The following ALDH1L1 variants were observed in gnomAD, a reference collection of about 807,000 sequenced individuals.
ALDH1L1 encodes the protein cytosolic 10-formyltetrahydrofolate dehydrogenase.
A neutral mutation model predicts 101.1 loss-of-function variants in ALDH1L1; 68 were observed. That is an observed-to-expected ratio of 0.67 (90% CI 0.55 to 0.82). ALDH1L1 has a LOEUF of 0.82. ALDH1L1 is among the 40% of genes least tolerant of loss of function. The pLI is 0.00. For synonymous variants in ALDH1L1, 486 were observed against 470.8 expected, an observed-to-expected ratio of 1.03 and a Z score of -0.42; for missense variants, 1,087 against 1,172.7, an observed-to-expected ratio of 0.93 and a Z score of 1.07.
intron 9 of ALDH1L1, among the ~76,000 whole-genome samples, 183 bp from the exon 10 acceptor site, chr3:126,138,143 T>C (rs72967726): frequency 0.043 from 6,585 of 152,218 alleles, 415 homozygotes; most frequent in African/African-American, 0.14. Context: ...CGGGTCCAAA[T>C]TCTCGCTCCA....
At chr3:126,135,341 C>G (rs1023645805) in intron 12 of ALDH1L1, 194 bp downstream of exon 12, 1 of 613,734 alleles carries the variant, frequency 1.6e-6, no homozygotes. Flanking sequence ...TTCTCATATC[C>G]CTTCCTCTGA....
chr3:126,197,353 T>C (rs2081587577), intron 1 of ALDH1L1, among the ~76,000 whole-genome samples: 1 of 152,144 alleles, frequency 6.6e-6, no homozygotes, highest in Non-Finnish European at 1.5e-5. Context: ...TAGATTAACT[T>C]AGCCAATGAA....
chr3:126,131,280 T>C (rs1016207891), intron 13 of ALDH1L1, 104 bp downstream of exon 13: 3 of 1,351,716 alleles, frequency 2.2e-6, no homozygotes, highest in Non-Finnish European at 9.9e-7. Context: ...CCAGTTGTGG[T>C]CATTTGCTGC....
At chr3:126,144,773 G>A (rs2080639491) in intron 9 of ALDH1L1, among the ~76,000 whole-genome samples, 1 of 152,162 alleles carries the variant, frequency 6.6e-6, no homozygotes, top group Admixed American at 6.5e-5. Flanking sequence ...AAGTCTCCAT[G>A]ACATTGGTCT....
chr3:126,137,987 G>C, intron 9 of ALDH1L1, 27 bp from the exon 10 acceptor site: 4 of 1,613,406 alleles, frequency 2.5e-6, no homozygotes, highest in African/African-American at 1.3e-5. Context: ...GAAAGATGGG[G>C]ACACGGGAGG....
chr3:126,173,085 C>A (rs972243541), intron 1 of ALDH1L1, among the ~76,000 whole-genome samples: 11 of 151,990 alleles, frequency 7.2e-5, no homozygotes, highest in African/African-American at 2.7e-4. Flanking sequence ...AGTAAACTGC[C>A]TTACAAGATA....
intron 1 of ALDH1L1, among the ~76,000 whole-genome samples, chr3:126,165,175 A>G (rs2081140988): frequency 6.6e-6 from 1 of 152,076 alleles, no homozygotes; most frequent in South Asian, 2.1e-4. Context: ...ATCTATTGAG[A>G]TGATCATATA....
In ALDH1L1 at chr3:126,112,868, C is replaced by G. The variant is rs1388913037; in HGVS notation, c.2095G>C (p.Val699Leu). Residue 699 changes from valine (V) to leucine (L), a missense_variant, in exon 19 of 23, where the codon GTT becomes CTT. Val to Leu is a conservative substitution (Grantham distance 32). Transcript: ENST00000393434. ...CAATTCTCTCCTTTGTTGAAGAAAA[C>G]AGAACTCATCCCCTTCAGAGAATGG... ...NKAVQMGMSS[V>L]FFNKGENCIA... 1 of 1,613,394 alleles carries G rather than the reference C, an allele frequency of 6.2e-7. No individual in the cohort carries two copies. Among genetic ancestry groups the G allele is most frequent in the Non-Finnish European group, 8.5e-7 (1 of 1,180,018 alleles).
intron 7 of ALDH1L1, chr3:126,151,462 T>C (rs1255990647): frequency 1.3e-5 from 2 of 152,222 alleles, no homozygotes; most frequent in Non-Finnish European, 1.5e-5. Context: ...CTCATGACTC[T>C]GGGCTACTCT....
At chr3:126,124,006 T>C (rs2080129522) in intron 16 of ALDH1L1, among the ~76,000 whole-genome samples, 2 of 152,196 alleles carry the variant, frequency 1.3e-5, no homozygotes, top group Non-Finnish European at 2.9e-5. Context: ...GATTCATGTA[T>C]GACCTCCCTA....
chr3:126,156,691 C>T (rs2080914053), intron 4 of ALDH1L1: 1 of 152,252 alleles, frequency 6.6e-6, no homozygotes, highest in South Asian at 2.1e-4. Flanking sequence ...GCCGCTCAGG[C>T]CATGTGACCA....
chr3:126,170,941 G>T (rs1312117903), intron 1 of ALDH1L1, among the ~76,000 whole-genome samples: 20 of 152,128 alleles, frequency 1.3e-4, no homozygotes, highest in Admixed American at 7.2e-4. Context: ...TAAAACAGTG[G>T]GCCTTAATAA....
In ALDH1L1 at chr3:126,130,230, G is replaced by C. The variant is rs1315295284; in HGVS notation, c.1687C>G (p.Pro563Ala). ...NRNLTLTRKE[P>A]VGVCGIIIPW... ...CCCTGGGCAGGAACTCACCCAACAG[G>C]CTCCTTCCTGGTCAAGGTCAGGTTG... The change falls in exon 14 of 23, where the codon CCT (proline) becomes GCT (alanine). Residue 563 changes from proline to alanine, a missense_variant. Transcript: ENST00000393434. 2 of 1,608,318 alleles carry C rather than the reference G, an allele frequency of 1.2e-6. No individual in the cohort carries two copies. The highest frequency in any genetic ancestry group is 1.7e-6 in the Non-Finnish European group (2 of 1,177,290).
At chr3:126,174,264 A>G (rs1053084775) in intron 1 of ALDH1L1, among the ~76,000 whole-genome samples, 7 of 152,206 alleles carry the variant, frequency 4.6e-5, no homozygotes, top group Admixed American at 1.3e-4. Context: ...TCCTGACCTC[A>G]GGTGATCTGC....
intron 17 of ALDH1L1, 137 bp from the exon 18 acceptor site, chr3:126,114,793 T>TCCCCCCCCCCCCCCCCCCCCTCCCC: frequency 1.7e-6 from 1 of 595,648 alleles, no homozygotes; most frequent in Non-Finnish European, 2.8e-6. Flanking sequence ...GCCTCCCCAC[T>TCCCCCCCCCCCCCCCCCCCCTCCCC]CCCCCCCACC....
intron 4 of ALDH1L1, among the ~76,000 whole-genome samples, chr3:126,157,093 C>T (rs922644834): frequency 1.3e-5 from 2 of 152,174 alleles, no homozygotes; most frequent in South Asian, 4.1e-4. Context: ...GAACGGGCCC[C>T]AAAATGTCCC....
chr3:126,162,655 C>T (rs757552651), intron 1 of ALDH1L1, among the ~76,000 whole-genome samples: 2 of 152,082 alleles, frequency 1.3e-5, no homozygotes, highest in Non-Finnish European at 2.9e-5. Context: ...TTTTCATCCT[C>T]GTATAATGTC....
intron 1 of ALDH1L1, among the ~76,000 whole-genome samples, chr3:126,173,645 T>G (rs1238959563): frequency 6.6e-6 from 1 of 152,188 alleles, no homozygotes; most frequent in Non-Finnish European, 1.5e-5. Flanking sequence ...ATATACCAAT[T>G]AAAACATGTG....
At position 126,125,170 on chromosome 3, in the gene ALDH1L1, C is replaced by G. The variant is rs564161897; in HGVS notation, c.1800+446G>C. Among the ~76,000 whole-genome samples, 45 of 152,344 alleles carry G rather than the reference C, an allele frequency of 3.0e-4. 1 individual carries two copies. The highest frequency in any genetic ancestry group is 9.4e-4 in the African/African-American group (39 of 41,588). The stretch of plus-strand genomic sequence containing the variant: ...TCTCAGACACCACACTGCGTAGCTT[C>G]TGTGTGCAGGGATGGGGACCACGAA... On this transcript the variant is annotated intron_variant, in intron 15 of 22. Transcript: ENST00000393434.
Sources: gnomAD v4.1 joint callset for allele counts (sites outside exome capture counted in the v4.1 genomes callset) on GRCh38, gnomAD v4.1.1 for gene constraint, MANE v1.5 for transcripts, NCBI Gene and HGNC (gene_info 2026-07-23, HGNC 2026-07-21) for gene names.